Variants in MIS18A observed in about 807,000 individuals in gnomAD.
MIS18A encodes MIS18 kinetochore protein A.
A neutral mutation model predicts 25.0 loss-of-function variants in MIS18A; 14 were observed. That is an observed-to-expected ratio of 0.56 (90% CI 0.37 to 0.88). MIS18A has a LOEUF of 0.88. MIS18A is among the 40% of genes least tolerant of loss of function. The pLI, the probability that MIS18A is intolerant of heterozygous loss-of-function variation, is 0.00. For missense variants in MIS18A, 292 were observed against 290.8 expected (o/e 1.00, Z -0.03); for synonymous variants, 134 against 118.6 (o/e 1.13, Z -0.84).
chr21:32,226,144 T>G, the MIS18A span, among the ~76,000 whole-genome samples: 4 of 116,980 alleles, frequency 3.4e-5, no homozygotes, highest in East Asian at 2.5e-4. Context: ...GTGGGGGGAG[T>G]GGGGAGGGAT....
the MIS18A span, among the ~76,000 whole-genome samples, chr21:32,243,596 A>G: frequency 6.6e-6 from 1 of 152,250 alleles, no homozygotes; most frequent in Admixed American, 6.5e-5. Context: ...GAACATCTAA[A>G]CATTTCTTAT....
chr21:32,238,751 C>T, the MIS18A span, among the ~76,000 whole-genome samples: 4 of 152,180 alleles, frequency 2.6e-5, no homozygotes, highest in Non-Finnish European at 5.9e-5. Context: ...GACTGTACCA[C>T]TCTAGTGACT....
intron 2 of MIS18A, among the ~76,000 whole-genome samples, 171 bp downstream of exon 2, chr21:32,274,659 A>G (rs1310694115): frequency 2.0e-5 from 3 of 152,216 alleles, no homozygotes; most frequent in Non-Finnish European, 2.9e-5. Flanking sequence ...ATTCCTTTCT[A>G]AAACAGGATA....
the MIS18A span, among the ~76,000 whole-genome samples, chr21:32,204,174 A>G: frequency 6.6e-6 from 1 of 152,092 alleles, no homozygotes. Context: ...TGATGGAGCA[A>G]TTAGAGGGGT....
At chr21:32,219,025 G>T in the MIS18A span, among the ~76,000 whole-genome samples, 1 of 149,246 alleles carries the variant, frequency 6.7e-6, no homozygotes, top group Non-Finnish European at 1.5e-5. Context: ...CTGAGATCGT[G>T]TCATTGCACT....
the MIS18A span, among the ~76,000 whole-genome samples, chr21:32,204,901 G>A: frequency 1.3e-5 from 2 of 151,968 alleles, no homozygotes. Context: ...AAACAAACAT[G>A]TAATTTAAAA....
the MIS18A span, among the ~76,000 whole-genome samples, chr21:32,172,229 T>A: frequency 1.3e-4 from 20 of 152,100 alleles, no homozygotes; most frequent in South Asian, 8.3e-4. Flanking sequence ...GAAAATAGTA[T>A]GTAGATTCTT....
the MIS18A span, among the ~76,000 whole-genome samples, chr21:32,201,494 C>T: frequency 6.6e-6 from 1 of 152,280 alleles, no homozygotes. Flanking sequence ...CCCCAGTTGT[C>T]CCCCAAGGCT....
chr21:32,268,880 T>G lies in MIS18A; in HGVS notation c.*157A>C. On this transcript the variant is annotated 3_prime_UTR_variant, in exon 5 of 5. Transcript: ENST00000290130. The stretch of plus-strand genomic sequence containing the variant: ...ACCAAGGCTCACTGCAGCCTCAACC[T>G]CCCAAGCTCATCTGATCCTCCCACC... 2.0e-6 allele frequency: 1 copy of G among 507,474 alleles called. No individual in the cohort carries two copies. The highest frequency in any genetic ancestry group is 1.9e-5 in the African/African-American group (1 of 51,430). 31.4% of individuals were successfully genotyped at this position (507,474 alleles called of 1,614,324 possible).
chr21:32,240,164 C>A, the MIS18A span, among the ~76,000 whole-genome samples: 1 of 152,198 alleles, frequency 6.6e-6, no homozygotes, highest in African/African-American at 2.4e-5. Flanking sequence ...GACAGCAGAA[C>A]CAACATCAAC....
At chr21:32,186,374 C>T in the MIS18A span, among the ~76,000 whole-genome samples, 10 of 152,216 alleles carry the variant, frequency 6.6e-5, no homozygotes, top group Non-Finnish European at 1.5e-4. Context: ...AGCCTGCAGG[C>T]TCCTTAAGGC....
the MIS18A span, among the ~76,000 whole-genome samples, chr21:32,163,463 G>T: frequency 3.3e-5 from 5 of 152,182 alleles, no homozygotes; most frequent in Admixed American, 6.5e-5. Context: ...CTTAGAAGGA[G>T]ACTGGTGTCC....
At chr21:32,257,045 G>A in the MIS18A span, among the ~76,000 whole-genome samples, 1 of 152,188 alleles carries the variant, frequency 6.6e-6, no homozygotes, top group Non-Finnish European at 1.5e-5. Flanking sequence ...AGCAGTTGTT[G>A]CCTTGGAAAC....
chr21:32,227,054 G>A, the MIS18A span, among the ~76,000 whole-genome samples: 1 of 152,054 alleles, frequency 6.6e-6, no homozygotes, highest in African/African-American at 2.4e-5. Context: ...ACATATCTAT[G>A]GGATGCAAAT....
At chr21:32,273,520 A>G (rs1293939468) in intron 2 of MIS18A, among the ~76,000 whole-genome samples, 1 of 152,154 alleles carries the variant, frequency 6.6e-6, no homozygotes, top group Non-Finnish European at 1.5e-5. Context: ...CTTCTGTCAG[A>G]ACTGGGGACT....
chr21:32,169,853 AAACAAC>A, the MIS18A span, among the ~76,000 whole-genome samples: 1 of 152,202 alleles, frequency 6.6e-6, no homozygotes, highest in Non-Finnish European at 1.5e-5. Context: ...CTAGAAAAAC[AAACAAC>A]AACAACAATA....
intron 1 of MIS18A, among the ~76,000 whole-genome samples, chr21:32,276,176 C>A (rs1256432313): frequency 6.6e-6 from 1 of 152,174 alleles, no homozygotes; most frequent in Non-Finnish European, 1.5e-5. Flanking sequence ...TGCAGCCAAG[C>A]TAGCATTCAC....
the MIS18A span, among the ~76,000 whole-genome samples, chr21:32,169,588 C>A: frequency 3.3e-5 from 5 of 152,124 alleles, no homozygotes; most frequent in Non-Finnish European, 4.4e-5. Context: ...TAATCTCTTA[C>A]CGGTGTCTAA....
the MIS18A span, among the ~76,000 whole-genome samples, chr21:32,172,598 T>C: frequency 2.6e-5 from 4 of 151,872 alleles, no homozygotes; most frequent in Non-Finnish European, 5.9e-5. Context: ...CTTTCCTTTT[T>C]TTTTTTTAAC....
Sources: allele counts gnomAD v4.1 joint callset (sites outside exome capture counted in the v4.1 genomes callset), GRCh38; gene constraint gnomAD v4.1.1; transcripts MANE v1.5; gene names NCBI Gene and HGNC (gene_info 2026-07-23, HGNC 2026-07-21).